SMARCA5: variants seen among roughly 807,000 people sequenced by gnomAD.
SMARCA5 encodes the protein SWI/SNF-related matrix-associated actin-dependent regulator of chromatin subfamily A member 5.
Under a neutral mutation model 140.4 loss-of-function variants are expected in SMARCA5, and 18 were observed. The observed-to-expected ratio is 0.13, with a 90% CI of 0.09 to 0.19. The LOEUF (loss-of-function observed/expected upper bound fraction) is 0.19, where lower values mean the gene tolerates loss of function less well. Among genes scored for constraint, SMARCA5 ranks in the 10% least tolerant of loss-of-function variants. The probability of loss-of-function intolerance (pLI) is 1.00; values close to 1 mark genes in which losing one functional copy is unlikely to be tolerated. For missense variants in SMARCA5, 606 were observed against 1,276.8 expected (o/e 0.47, Z 8.01); for synonymous variants, 449 against 419.6 (o/e 1.07, Z -0.86).
chr4:143,523,524 C>CA (rs1737007332), intron 3 of SMARCA5, among the ~76,000 whole-genome samples: 1 of 152,158 alleles, frequency 6.6e-6, no homozygotes, highest in Non-Finnish European at 1.5e-5. Context: ...TCTTTGTACT[C>CA]AATTTCATAG....
At chr4:143,529,314 G>C (rs1019857536) in intron 8 of SMARCA5, among the ~76,000 whole-genome samples, 2 of 152,278 alleles carry the variant, frequency 1.3e-5, no homozygotes, top group East Asian at 3.9e-4. Context: ...AGGTTGGCCT[G>C]ACTTTGTTTC....
In SMARCA5 at chr4:143,557,098, T is replaced by C. The variant is rs1016202859; in HGVS notation, c.*3914T>C. 1.3e-4 allele frequency: 20 copies of C among 152,186 alleles called. No individual in the cohort carries two copies. The highest frequency in any genetic ancestry group is 1.5e-5 in the Non-Finnish European group (1 of 68,044). 9.4% of individuals were successfully genotyped at this position (152,186 alleles called of 1,614,324 possible). ...GTCCGGAGAGATTCCCTAGCTCTAATGACAGCTTTTTTGGGGGGTAATGAG... is the reference window on the plus strand; with the variant it reads ...GTCCGGAGAGATTCCCTAGCTCTAACGACAGCTTTTTTGGGGGGTAATGAG... On this transcript the variant is annotated 3_prime_UTR_variant, in exon 24 of 24. Transcript: ENST00000283131.
At chr4:143,514,217 C>A in intron 1 of SMARCA5, 116 bp downstream of exon 1, 1 of 925,022 alleles carries the variant, frequency 1.1e-6, no homozygotes, top group Middle Eastern at 3.3e-4. Context: ...CCAGACTCAG[C>A]TTCACACCCT....
At chr4:143,519,663 A>G (rs893815177) in intron 2 of SMARCA5, among the ~76,000 whole-genome samples, 11 of 152,110 alleles carry the variant, frequency 7.2e-5, no homozygotes, top group African/African-American at 2.7e-4. Flanking sequence ...GTCATCTGCT[A>G]GTTCTAACCA....
chr4:143,513,981 G>A lies in SMARCA5; in HGVS notation c.57G>A (p.Lys19=), dbSNP rs768156171. Reference sequence around the variant, plus strand: ...CGCCTCCCGAGAGCGCGCCTTCCAAGCCCGCAGCCTCGATCGCCAGCGGCG... The same window carrying A: ...CGCCTCCCGAGAGCGCGCCTTCCAAACCCGCAGCCTCGATCGCCAGCGGCG... The part of the protein sequence containing the change: ...PPPPPESAPS[K]PAASIASGGS... The change falls in exon 1 of 24, where the codon AAG becomes AAA. Residue 19 remains lysine, a synonymous_variant. Transcript: ENST00000283131. 1.3e-6 allele frequency: 2 copies of A among 1,561,314 alleles called. No individual in the cohort carries two copies. The highest frequency in any genetic ancestry group is 1.7e-6 in the Non-Finnish European group (2 of 1,161,260).
At position 143,554,342 on chromosome 4, in the gene SMARCA5, G is replaced by A. The variant is rs1245938797; in HGVS notation, c.*1158G>A. 6.6e-6 allele frequency: 1 copy of A among 152,086 alleles called. No individual in the cohort carries two copies. The highest frequency in any genetic ancestry group is 1.5e-5 in the Non-Finnish European group (1 of 68,008). 9.4% of individuals were successfully genotyped at this position (152,086 alleles called of 1,614,324 possible). A position where few individuals can be genotyped will look rare whatever the true frequency, so the allele number is the denominator to read the frequency against. On this transcript the variant is annotated 3_prime_UTR_variant, in exon 24 of 24. Transcript: ENST00000283131. ...AAGGGAATGCAATAAATGTAGCATCGTGAATAAATATAACTTTTATAATCC... is the reference window on the plus strand; with the variant it reads ...AAGGGAATGCAATAAATGTAGCATCATGAATAAATATAACTTTTATAATCC...
intron 2 of SMARCA5, 24 bp from the exon 3 acceptor site, chr4:143,521,405 G>C (rs761464952): frequency 2.8e-5 from 43 of 1,553,016 alleles, no homozygotes; most frequent in Non-Finnish European, 3.4e-5. Flanking sequence ...CTGATAAAAT[G>C]TATCTTAAAT....
intron 11 of SMARCA5, among the ~76,000 whole-genome samples, chr4:143,537,625 G>T (rs558238435): frequency 6.6e-6 from 1 of 152,094 alleles, no homozygotes; most frequent in Non-Finnish European, 1.5e-5. Flanking sequence ...ATTAAACTCT[G>T]CAGGGAAAAT....
In SMARCA5 at chr4:143,557,178, G is replaced by GTA. The variant is rs1281604554; in HGVS notation, c.*3995_*3996insAT. On this transcript the variant is annotated 3_prime_UTR_variant, in exon 24 of 24. Coordinates refer to ENST00000283131, the MANE Select transcript of SMARCA5 (RefSeq NM_003601.4). ...TGCCTTTAACTCTACAGCATACAAG[G>GTA]TGTGTGGCTCTTATCTCTAGGACAC... The GTA allele has an allele frequency of 1.3e-5, 2 of 152,162 alleles. No individual in the cohort carries two copies. The highest frequency in any genetic ancestry group is 2.9e-5 in the Non-Finnish European group (2 of 68,048). 9.4% of individuals were successfully genotyped at this position (152,162 alleles called of 1,614,324 possible). A position where few individuals can be genotyped will look rare whatever the true frequency, so the allele number is the denominator to read the frequency against.
Position 143,536,663 on chromosome 4 carries a change from A to G in SMARCA5, c.1480A>G (p.Lys494Glu), listed in dbSNP as rs749472573. ...GGTGGTTTTAGACAAGCTGCTCCCT[A>G]AGTTAAAAGAACAAGGTATCGGTTA... ...KMVVLDKLLP[K>E]LKEQGSRVLI... Residue 494 changes from lysine to glutamate, a missense_variant, in exon 11 of 24, where the codon AAG becomes GAG. Coordinates refer to ENST00000283131, the MANE Select transcript of SMARCA5 (RefSeq NM_003601.4). 2 of 1,610,680 alleles carry G rather than the reference A, an allele frequency of 1.2e-6. No homozygotes were observed. Among genetic ancestry groups the G allele is most frequent in the South Asian group, 1.1e-5 (1 of 90,966 alleles).
At chr4:143,519,059 C>G (rs987631413) in intron 2 of SMARCA5, among the ~76,000 whole-genome samples, 4 of 151,996 alleles carry the variant, frequency 2.6e-5, no homozygotes, top group Admixed American at 6.5e-5. Context: ...ACATTTCTTC[C>G]TAGACAGTTT....
intron 16 of SMARCA5, among the ~76,000 whole-genome samples, 174 bp from the exon 17 acceptor site, chr4:143,544,563 G>C (rs1737485820): frequency 6.6e-6 from 1 of 152,134 alleles, no homozygotes; most frequent in Admixed American, 6.5e-5. Flanking sequence ...ACTAGACACT[G>C]TCTCGTGTTA....
At chr4:143,549,186 T>C (rs1220915663) in intron 22 of SMARCA5, among the ~76,000 whole-genome samples, 2 of 152,094 alleles carry the variant, frequency 1.3e-5, no homozygotes, top group African/African-American at 4.8e-5. Flanking sequence ...CTTCTTAACA[T>C]GTTCCATGTT....
At chr4:143,519,184 T>A (rs1351735768) in intron 2 of SMARCA5, among the ~76,000 whole-genome samples, 2 of 152,226 alleles carry the variant, frequency 1.3e-5, no homozygotes, top group East Asian at 3.9e-4. Flanking sequence ...TATTCATACC[T>A]CTTACTTGAG....
chr4:143,515,994 T>C (rs1736821939), intron 1 of SMARCA5, among the ~76,000 whole-genome samples: 1 of 152,162 alleles, frequency 6.6e-6, no homozygotes, highest in Non-Finnish European at 1.5e-5. Flanking sequence ...ATTTTTTTTT[T>C]TGTCTTTTAA....
intron 9 of SMARCA5, among the ~76,000 whole-genome samples, chr4:143,532,602 A>G (rs1379855842): frequency 6.6e-6 from 1 of 152,188 alleles, no homozygotes; most frequent in Non-Finnish European, 1.5e-5. Context: ...AGAAGTCGGT[A>G]TGGATGCGCT....
intron 17 of SMARCA5, among the ~76,000 whole-genome samples, chr4:143,545,246 T>G (rs1737500151): frequency 6.6e-6 from 1 of 152,152 alleles, no homozygotes; most frequent in African/African-American, 2.4e-5. Context: ...TTTCCTACAT[T>G]TTGCATTTCT....
chr4:143,534,350 C>T (rs568781104), intron 9 of SMARCA5, among the ~76,000 whole-genome samples: 2 of 152,140 alleles, frequency 1.3e-5, no homozygotes, highest in South Asian at 4.2e-4. Flanking sequence ...AAATTATATA[C>T]AGTTAGCCCT....
intron 23 of SMARCA5, among the ~76,000 whole-genome samples, chr4:143,551,722 C>T (rs949759795): frequency 6.6e-6 from 1 of 151,724 alleles, no homozygotes; most frequent in Admixed American, 6.6e-5. Flanking sequence ...ATGGACTTTA[C>T]GGACTTATCT....
Sources: allele counts gnomAD v4.1 joint callset (sites outside exome capture counted in the v4.1 genomes callset), GRCh38; gene constraint gnomAD v4.1.1; transcripts MANE v1.5; gene names NCBI Gene and HGNC (gene_info 2026-07-23, HGNC 2026-07-21).